Variants in CA5A observed in about 807,000 individuals in gnomAD.
The protein encoded by CA5A is carbonic anhydrase 5A, mitochondrial.
CA5A carries 28 observed loss-of-function variants against 37.1 expected under a neutral mutation model. The ratio of observed to expected loss-of-function variants is 0.75; its 90% CI spans 0.56 to 1.03. The LOEUF (loss-of-function observed/expected upper bound fraction) is 1.03, where lower values mean the gene tolerates loss of function less well. Ranked by LOEUF, CA5A falls within the 50% of genes least tolerant of loss-of-function variation. CA5A has a pLI of 0.00. For missense variants in CA5A, 444 were observed against 399.9 expected (o/e 1.11, Z -0.94); for synonymous variants, 171 against 158.4 (o/e 1.08, Z -0.60).
intron 1 of CA5A, among the ~76,000 whole-genome samples, chr16:87,934,958 G>A (rs536251721): frequency 6.6e-6 from 1 of 152,352 alleles, no homozygotes; most frequent in East Asian, 1.9e-4. Context: ...CCAACAGGAG[G>A]AATGAGTGTA....
chr16:87,931,345 C>T (rs902847904), intron 1 of CA5A, among the ~76,000 whole-genome samples: 3 of 151,276 alleles, frequency 2.0e-5, no homozygotes, highest in East Asian at 2.0e-4. Flanking sequence ...CTCCTGACTT[C>T]GGGTGATCCA....
Position 87,924,405 on chromosome 16 carries a change from G to C in CA5A, c.340+2343C>G, listed in dbSNP as rs1238804538. The C allele has an allele frequency of 6.5e-6, 5 of 765,206 alleles. No individual in the cohort carries two copies. The East Asian group carries it at 3.9e-4, about 59-fold the overall frequency. The allele number at this position is 765,206 out of a possible 1,614,324, so 47.4% of individuals were successfully genotyped here. ...TTTGCGATGCACTGTGTAGGGCCTG[G>C]CACAGAGAAGAAGCTCTCACGCCCT... On this transcript the variant is annotated intron_variant, in intron 2 of 6. Transcript: ENST00000649794.
At chr16:87,924,165 C>T in intron 2 of CA5A, 1 of 985,450 alleles carries the variant, frequency 1.0e-6, no homozygotes. Context: ...CTTCTCCGAG[C>T]TGGTCTTGTC....
intron 5 of CA5A, among the ~76,000 whole-genome samples, chr16:87,897,870 G>A (rs535735583): frequency 1.1e-3 from 175 of 152,314 alleles, no homozygotes; most frequent in Admixed American, 2.2e-3. Flanking sequence ...TTTATGTGGA[G>A]GGCTGTCGCT....
At chr16:87,924,090 T>TCC in intron 2 of CA5A, 3 of 985,436 alleles carry the variant, frequency 3.0e-6, no homozygotes, top group Non-Finnish European at 3.6e-6. Context: ...AAATCCCTGC[T>TCC]CCCTGGTCCC....
rs2055669961 is a variant in CA5A at position 87,888,503 on chromosome 16, T to TGGGA, written c.775-235_775-232dup. On this transcript the variant is annotated intron_variant, in intron 6 of 6. Coordinates refer to ENST00000649794, the MANE Select transcript of CA5A (RefSeq NM_001739.2). ...TCTGGGGGGAAGCTGGTCGCCATAT[T>TGGGA]GGGAGGGTACTCAAGCAGCCCCGAG... Among the ~76,000 whole-genome samples the TGGGA allele has an allele frequency of 2.0e-5, 3 of 152,186 alleles. No individual in the cohort carries two copies. In the South Asian group the frequency reaches 6.2e-4, roughly 32 times the overall value.
intron 2 of CA5A, chr16:87,925,635 A>T (rs970507723): frequency 6.6e-6 from 1 of 152,226 alleles, no homozygotes; most frequent in Non-Finnish European, 1.5e-5. Flanking sequence ...CCTGATAAAA[A>T]TGCAAACATA....
chr16:87,895,098 A>C (rs1056968116), intron 5 of CA5A, among the ~76,000 whole-genome samples: 1 of 151,982 alleles, frequency 6.6e-6, no homozygotes, highest in Non-Finnish European at 1.5e-5. Flanking sequence ...AAAAATACAA[A>C]AACTAGCCAG....
At chr16:87,898,458 T>G (rs1443119929) in intron 5 of CA5A, among the ~76,000 whole-genome samples, 1 of 152,212 alleles carries the variant, frequency 6.6e-6, no homozygotes, top group African/African-American at 2.4e-5. Flanking sequence ...AGGCCATCAT[T>G]CTAAAATTTC....
chr16:87,909,831 G>C (rs969407611), intron 2 of CA5A, among the ~76,000 whole-genome samples: 1 of 152,188 alleles, frequency 6.6e-6, no homozygotes, highest in African/African-American at 2.4e-5. Flanking sequence ...GCCGTGTTTC[G>C]TTACTCTTCC....
At chr16:87,896,649 A>AT (rs111839025) in intron 5 of CA5A, among the ~76,000 whole-genome samples, 2,032 of 152,030 alleles carry the variant, frequency 0.013, 13 homozygotes, top group Non-Finnish European at 0.02. Flanking sequence ...TTATTTATTT[A>AT]TTGTTTTTGA....
intron 2 of CA5A, among the ~76,000 whole-genome samples, chr16:87,909,630 G>A (rs916640366): frequency 2.6e-5 from 4 of 152,192 alleles, no homozygotes; most frequent in Non-Finnish European, 5.9e-5. Flanking sequence ...AAATGCCAGC[G>A]GGTGTGGATT....
chr16:87,913,431 T>G (rs1369754219), intron 2 of CA5A, among the ~76,000 whole-genome samples: 3 of 151,556 alleles, frequency 2.0e-5, no homozygotes, highest in East Asian at 1.9e-4. Context: ...GCCTCCTGAG[T>G]AGCTGGGACC....
In CA5A at chr16:87,921,378, C is replaced by G. The variant is rs528208266; in HGVS notation, c.340+5370G>C. ...CCGAAATTGGCTTGGGCCTTGATTT[C>G]TCCCCCTCTTGGCTTTGCCCTCCCG... On this transcript the variant is annotated intron_variant, in intron 2 of 6. Coordinates refer to ENST00000649794, the MANE Select transcript of CA5A (RefSeq NM_001739.2). Among the ~76,000 whole-genome samples, 7 of 152,366 alleles carry G rather than the reference C, an allele frequency of 4.6e-5. No homozygotes were observed. In the East Asian group the frequency reaches 1.3e-3, roughly 29 times the overall value.
At chr16:87,928,751 C>CTTTTT (rs1567537787) in intron 1 of CA5A, among the ~76,000 whole-genome samples, 2 of 107,270 alleles carry the variant, frequency 1.9e-5, no homozygotes, top group African/African-American at 7.1e-5. Flanking sequence ...GGATTATTTT[C>CTTTTT]TTTTCTTTGT....
chr16:87,927,076 G>A (rs1305871205), intron 1 of CA5A, 131 bp from the exon 2 acceptor site: 26 of 662,344 alleles, frequency 3.9e-5, no homozygotes, highest in Middle Eastern at 4.1e-4. Flanking sequence ...CACGGGAAAC[G>A]GGCGCGTGGG....
intron 2 of CA5A, among the ~76,000 whole-genome samples, chr16:87,907,119 G>A (rs1224123334): frequency 1.3e-5 from 2 of 152,134 alleles, no homozygotes; most frequent in Non-Finnish European, 2.9e-5. Flanking sequence ...TTGGGAGGCT[G>A]AGGCAGGAGA....
At position 87,902,556 on chromosome 16, in the gene CA5A, G is replaced by A. The variant is rs112671762; in HGVS notation, c.460-36C>T. The A allele has an allele frequency of 2.7e-6, 3 of 1,096,994 alleles. No individual in the cohort carries two copies. The African/African-American group carries it at 4.7e-5, about 17-fold the overall frequency. The allele number at this position is 1,096,994 out of a possible 1,614,324, so 68.0% of individuals were successfully genotyped here. On this transcript the variant is annotated intron_variant, in intron 3 of 6. Coordinates refer to ENST00000649794, the MANE Select transcript of CA5A (RefSeq NM_001739.2). ...ATGGAAAGAGAACTTAAATTGATCA[G>A]CAAGAAATAAGACAGTCACTTCCCC... is the stretch of plus-strand genomic sequence containing the variant.
chr16:87,930,105 G>T (rs1382291410), intron 1 of CA5A, among the ~76,000 whole-genome samples: 1 of 152,024 alleles, frequency 6.6e-6, no homozygotes. Context: ...CCCCATCAAC[G>T]TGCATGGTAA....
Sources: gnomAD v4.1 joint callset for allele counts (sites outside exome capture counted in the v4.1 genomes callset) on GRCh38, gnomAD v4.1.1 for gene constraint, MANE v1.5 for transcripts, NCBI Gene and HGNC (gene_info 2026-07-23, HGNC 2026-07-21) for gene names.